The following NYAP2 variants were observed in gnomAD, a reference collection of about 807,000 sequenced individuals.
NYAP2 encodes the protein neuronal tyrosine-phosphorylated phosphoinositide-3-kinase adapter 2.
NYAP2 carries 23 observed loss-of-function variants against 50.4 expected under a neutral mutation model. The observed-to-expected ratio is 0.46, with a 90% CI of 0.33 to 0.65. NYAP2 has a LOEUF of 0.65. Among genes scored for constraint, NYAP2 ranks in the 30% least tolerant of loss-of-function variants. NYAP2 has a pLI of 0.02. For synonymous variants in NYAP2, 394 were observed against 365.2 expected (o/e 1.08, Z -0.90); for missense variants, 885 against 861.0 (o/e 1.03, Z -0.35).
the NYAP2 span, chr2:225,698,928 AT>A: frequency 2.0e-5 from 3 of 151,822 alleles, no homozygotes; most frequent in East Asian, 5.8e-4. Flanking sequence ...TAATTTTTGC[AT>A]TTAAAATGTT....
At chr2:225,690,809 T>G in the NYAP2 span, among the ~76,000 whole-genome samples, 8 of 152,108 alleles carry the variant, frequency 5.3e-5, no homozygotes, top group Non-Finnish European at 1.2e-4. Context: ...AGGAAAAATA[T>G]TGTAAGCCCG....
At chr2:225,459,038 TCAC>T (rs774564371) in intron 3 of NYAP2, among the ~76,000 whole-genome samples, 46 of 152,342 alleles carry the variant, frequency 3.0e-4, no homozygotes, top group Admixed American at 1.7e-3. Context: ...AGATGCATAT[TCAC>T]CAATTTTTCA....
chr2:225,469,980 C>T (rs1689986811), intron 3 of NYAP2, among the ~76,000 whole-genome samples: 1 of 152,064 alleles, frequency 6.6e-6, no homozygotes, highest in African/African-American at 2.4e-5. Flanking sequence ...GCACATGTAC[C>T]CCAGAGCTTG....
At chr2:225,487,828 C>G (rs900696880) in intron 3 of NYAP2, among the ~76,000 whole-genome samples, 7 of 152,132 alleles carry the variant, frequency 4.6e-5, no homozygotes, top group Non-Finnish European at 1.0e-4. Flanking sequence ...TATCCTCCAC[C>G]CACACCCACA....
At chr2:225,420,123 A>T (rs1695192535) in intron 3 of NYAP2, among the ~76,000 whole-genome samples, 3 of 152,152 alleles carry the variant, frequency 2.0e-5, no homozygotes, top group Admixed American at 2.0e-4. Flanking sequence ...GTCAAATCAG[A>T]TTGTGTTGAA....
At chr2:225,558,773 A>C (rs575661092) in intron 4 of NYAP2, among the ~76,000 whole-genome samples, 2 of 152,140 alleles carry the variant, frequency 1.3e-5, no homozygotes, top group Non-Finnish European at 2.9e-5. Flanking sequence ...TTATGGTTGC[A>C]GCTTCCTCTA....
intron 3 of NYAP2, among the ~76,000 whole-genome samples, chr2:225,467,049 G>A (rs1460034173): frequency 6.6e-6 from 1 of 152,140 alleles, no homozygotes; most frequent in Non-Finnish European, 1.5e-5. Flanking sequence ...GCATACTTCC[G>A]GATCTTGTGT....
chr2:225,675,826 T>A, the NYAP2 span, among the ~76,000 whole-genome samples: 1 of 152,168 alleles, frequency 6.6e-6, no homozygotes, highest in East Asian at 1.9e-4. Context: ...GATTTTTTAA[T>A]AGTCACCATT....
the NYAP2 span, among the ~76,000 whole-genome samples, chr2:225,692,560 C>T: frequency 7.2e-5 from 11 of 151,858 alleles, no homozygotes; most frequent in African/African-American, 1.2e-4. Flanking sequence ...TAAAGTGTGA[C>T]GTGTGTAGCA....
chr2:225,403,206 A>G (rs1052495442), intron 2 of NYAP2, among the ~76,000 whole-genome samples: 1 of 152,000 alleles, frequency 6.6e-6, no homozygotes, highest in South Asian at 2.1e-4. Flanking sequence ...CAATGATTGG[A>G]GTAGGAAGGA....
intron 4 of NYAP2, among the ~76,000 whole-genome samples, chr2:225,577,951 TGA>T (rs1692197136): frequency 6.6e-6 from 1 of 152,014 alleles, no homozygotes; most frequent in Non-Finnish European, 1.5e-5. Flanking sequence ...TATTATATTT[TGA>T]GACAGTCTTG....
chr2:225,490,582 G>A (rs111661883), intron 3 of NYAP2, among the ~76,000 whole-genome samples: 18 of 152,084 alleles, frequency 1.2e-4, no homozygotes, highest in South Asian at 2.1e-4. Flanking sequence ...CCTGGATGAG[G>A]GAAATGATAA....
At chr2:225,409,434 T>A (rs1291826582) in intron 3 of NYAP2, among the ~76,000 whole-genome samples, 1 of 152,046 alleles carries the variant, frequency 6.6e-6, no homozygotes. Context: ...TAGCCCAAGA[T>A]TGATGAAAAT....
chr2:225,673,992 CCT>C, the NYAP2 span, among the ~76,000 whole-genome samples: 11,660 of 152,080 alleles, frequency 0.077, 507 homozygotes, highest in East Asian at 0.24. Context: ...ACAAATTTCC[CCT>C]GTGATGAGCA....
At chr2:225,624,524 C>T (rs151032648) in intron 5 of NYAP2, among the ~76,000 whole-genome samples, 64 of 152,244 alleles carry the variant, frequency 4.2e-4, no homozygotes, top group East Asian at 4.1e-3. Flanking sequence ...TTCCTAGAGA[C>T]GGGTCTACTC....
chr2:225,699,451 G>A, the NYAP2 span: 2 of 151,898 alleles, frequency 1.3e-5, no homozygotes, highest in African/African-American at 4.8e-5. Flanking sequence ...CAGTGGCATT[G>A]TAGCCACCAT....
chr2:225,415,433 G>T (rs1040585056), intron 3 of NYAP2, among the ~76,000 whole-genome samples: 1 of 152,076 alleles, frequency 6.6e-6, no homozygotes, highest in African/African-American at 2.4e-5. Context: ...TATTTTAAAT[G>T]ACTACTTTAC....
intron 4 of NYAP2, among the ~76,000 whole-genome samples, chr2:225,550,140 T>C (rs1691646439): frequency 6.6e-6 from 1 of 151,958 alleles, no homozygotes; most frequent in Admixed American, 6.6e-5. Flanking sequence ...ACAAAGTATT[T>C]TAAAAGCCAG....
the NYAP2 span, among the ~76,000 whole-genome samples, chr2:225,688,107 G>A: frequency 1.3e-5 from 2 of 152,124 alleles, no homozygotes; most frequent in Non-Finnish European, 2.9e-5. Flanking sequence ...GCATTGATTT[G>A]TGTCTCAACT....
Sources: gnomAD v4.1 joint callset for allele counts (sites outside exome capture counted in the v4.1 genomes callset) on GRCh38, gnomAD v4.1.1 for gene constraint, MANE v1.5 for transcripts, NCBI Gene and HGNC (gene_info 2026-07-23, HGNC 2026-07-21) for gene names.